Variants in GPC5 observed in about 807,000 individuals in gnomAD.
GPC5 encodes glypican 5, also known as glypican-5.
In GPC5, 47 loss-of-function variants were observed where a neutral mutation model predicts 53.9. That is an observed-to-expected ratio of 0.87 (90% confidence interval 0.69 to 1.11). The LOEUF (loss-of-function observed/expected upper bound fraction) is 1.11. GPC5 is among the 50% of genes most tolerant of loss of function. The pLI, the probability that GPC5 is intolerant of heterozygous loss-of-function variation, is 0.00. For missense variants in GPC5, 748 were observed against 713.1 expected (o/e 1.05, Z -0.56); for synonymous variants, 286 against 263.3 (o/e 1.09, Z -0.84).
intron 3 of GPC5, among the ~76,000 whole-genome samples, chr13:91,727,042 C>G (rs1594486011): frequency 6.6e-6 from 1 of 152,202 alleles, no homozygotes; most frequent in Non-Finnish European, 1.5e-5. Context: ...GTTGCTAGAA[C>G]CATGTGTTAC....
intron 7 of GPC5, among the ~76,000 whole-genome samples, chr13:92,760,738 T>C (rs1187051377): frequency 6.6e-6 from 1 of 152,060 alleles, no homozygotes; most frequent in Non-Finnish European, 1.5e-5. Flanking sequence ...CTTTTTGAGG[T>C]GTAATATTAA....
chr13:91,685,536 C>T (rs969795480), intron 2 of GPC5, among the ~76,000 whole-genome samples: 3 of 152,154 alleles, frequency 2.0e-5, no homozygotes, highest in Admixed American at 2.0e-4. Flanking sequence ...CACTTTTCAT[C>T]CCCTACCCTC....
intron 7 of GPC5, among the ~76,000 whole-genome samples, chr13:92,854,830 C>A (rs1878942138): frequency 6.6e-6 from 1 of 151,828 alleles, no homozygotes; most frequent in African/African-American, 2.4e-5. Context: ...TTTTTCTATT[C>A]TGCAGGTTTT....
chr13:91,760,989 A>G (rs946940535), intron 5 of GPC5, among the ~76,000 whole-genome samples: 3 of 152,200 alleles, frequency 2.0e-5, no homozygotes, highest in Non-Finnish European at 4.4e-5. Flanking sequence ...TGTAGTCTGT[A>G]TCTCTTACAG....
At chr13:92,004,458 T>TTGTATATATATATATATA (rs1491510192) in intron 6 of GPC5, among the ~76,000 whole-genome samples, 1 of 82,528 alleles carries the variant, frequency 1.2e-5, no homozygotes, top group African/African-American at 5.8e-5. Flanking sequence ...AAAAAAAAAA[T>TTGTATATATATATATATA]TATATATATA....
chr13:92,811,028 T>A lies in GPC5; in HGVS notation c.1562-55254T>A, dbSNP rs544306623. 9.9e-5 allele frequency among the ~76,000 whole-genome samples: 15 copies of A among 152,116 alleles called. No homozygotes were observed. The East Asian group carries it at 2.9e-3, about 29-fold the overall frequency. On this transcript the variant is annotated intron_variant, in intron 7 of 7. Coordinates refer to ENST00000377067, the MANE Select transcript of GPC5 (RefSeq NM_004466.6). ...AGCCACCGTGCCCAGCCCAGCATAA[T>A]GTTTTTAAGTTTCATCCATGTATCA...
rs201284707 is a variant in GPC5, at chr13:92,289,617, A to G, written c.1561+144628A>G. On this transcript the variant is annotated intron_variant, in intron 7 of 7. Transcript: ENST00000377067. Reference sequence around the variant, plus strand: ...TAATAATAACTATGTATCAGGAACTATGTTAATTGCCTTTTATGGATTATC... The same window carrying G: ...TAATAATAACTATGTATCAGGAACTGTGTTAATTGCCTTTTATGGATTATC... 3.9e-5 allele frequency among the ~76,000 whole-genome samples: 6 copies of G among 152,106 alleles called. No homozygotes were observed. The East Asian group carries it at 1.2e-3, about 29-fold the overall frequency.
intron 7 of GPC5, among the ~76,000 whole-genome samples, chr13:92,726,277 T>C (rs1374204329): frequency 6.6e-6 from 1 of 151,638 alleles, no homozygotes; most frequent in African/African-American, 2.4e-5. Context: ...CATAATTAGA[T>C]CTTGTTTACC....
At chr13:91,689,045 G>A (rs1387889450) in intron 2 of GPC5, among the ~76,000 whole-genome samples, 2 of 151,056 alleles carry the variant, frequency 1.3e-5, no homozygotes, top group East Asian at 3.9e-4. Context: ...GTCCACACCT[G>A]TAGTCCCAGC....
At chr13:91,492,650 C>A (rs1884005631) in intron 2 of GPC5, among the ~76,000 whole-genome samples, 1 of 152,194 alleles carries the variant, frequency 6.6e-6, no homozygotes, top group Admixed American at 6.5e-5. Flanking sequence ...AGTTCATATG[C>A]TAAAATCTGC....
chr13:91,653,786 T>G (rs1404512257), intron 2 of GPC5, among the ~76,000 whole-genome samples: 1 of 152,150 alleles, frequency 6.6e-6, no homozygotes, highest in African/African-American at 2.4e-5. Context: ...GACTTAGAAT[T>G]TTTAACAGCT....
At chr13:91,467,668 C>T (rs1243772158) in intron 2 of GPC5, among the ~76,000 whole-genome samples, 1 of 152,002 alleles carries the variant, frequency 6.6e-6, no homozygotes, top group Non-Finnish European at 1.5e-5. Context: ...TTTAAATTTT[C>T]AAAACATTAA....
At chr13:92,283,405 T>A (rs530361864) in intron 7 of GPC5, among the ~76,000 whole-genome samples, 5 of 152,224 alleles carry the variant, frequency 3.3e-5, no homozygotes, top group Admixed American at 2.6e-4. Context: ...ATAGACATCT[T>A]CAGAACTCTC....
At chr13:92,820,927 T>A (rs531729469) in intron 7 of GPC5, among the ~76,000 whole-genome samples, 1 of 152,270 alleles carries the variant, frequency 6.6e-6, no homozygotes, top group Non-Finnish European at 1.5e-5. Context: ...CGAAACTGCC[T>A]AAGATCAGAA....
At chr13:92,731,565 A>C (rs1379861710) in intron 7 of GPC5, among the ~76,000 whole-genome samples, 1 of 151,506 alleles carries the variant, frequency 6.6e-6, no homozygotes, top group Admixed American at 6.6e-5. Flanking sequence ...GTTCAAATTC[A>C]AGATATCATG....
At chr13:92,839,122 C>A (rs151191856) in intron 7 of GPC5, among the ~76,000 whole-genome samples, 1 of 152,180 alleles carries the variant, frequency 6.6e-6, no homozygotes, top group African/African-American at 2.4e-5. Context: ...TGAGCACTTA[C>A]GATAATGTCT....
intron 1 of GPC5, among the ~76,000 whole-genome samples, chr13:91,434,466 C>T (rs1332926868): frequency 6.6e-6 from 1 of 152,130 alleles, no homozygotes; most frequent in Non-Finnish European, 1.5e-5. Flanking sequence ...GGAATCGTTT[C>T]CCCATTTCTT....
intron 2 of GPC5, among the ~76,000 whole-genome samples, chr13:91,533,371 A>AT (rs1320313794): frequency 6.6e-6 from 1 of 152,164 alleles, no homozygotes; most frequent in Non-Finnish European, 1.5e-5. Context: ...TAACAACTCT[A>AT]TTTTTTTATT....
In GPC5 at chr13:91,800,482, T is replaced by C. The variant is rs573841528; in HGVS notation, c.1280+44062T>C. On this transcript the variant is annotated intron_variant, in intron 5 of 7. Transcript: ENST00000377067. ...ACTAAGACCCAGAGAGAGGAGTCTG[T>C]AGGAATCCTATAGAACGTCTCCTAT... 2.0e-5 allele frequency among the ~76,000 whole-genome samples: 3 copies of C among 152,142 alleles called. No homozygotes were observed. In the East Asian group the frequency reaches 5.8e-4, roughly 29 times the overall value.
Sources: allele counts gnomAD v4.1 joint callset (sites outside exome capture counted in the v4.1 genomes callset), GRCh38; gene constraint gnomAD v4.1.1; transcripts MANE v1.5; gene names NCBI Gene and HGNC (gene_info 2026-07-23, HGNC 2026-07-21).